Variants in FHOD3 observed in about 807,000 individuals in gnomAD.
FHOD3 encodes FH1/FH2 domain-containing protein 3.
A neutral mutation model predicts 173.0 loss-of-function variants in FHOD3; 90 were observed. That is an observed-to-expected ratio of 0.52 (90% CI 0.44 to 0.62). The LOEUF (loss-of-function observed/expected upper bound fraction) is 0.62, where lower values mean the gene tolerates loss of function less well. Among genes scored for constraint, FHOD3 ranks in the 20% least tolerant of loss-of-function variants. The pLI is 0.00. For missense variants in FHOD3, 1,945 were observed against 2,034.7 expected, an observed-to-expected ratio of 0.96 and a Z score of 0.85; for synonymous variants, 828 against 823.0, an observed-to-expected ratio of 1.01 and a Z score of -0.10.
intron 3 of FHOD3, among the ~76,000 whole-genome samples, chr18:36,378,596 C>CAAAAA (rs764259858): frequency 1.8e-5 from 2 of 111,370 alleles, no homozygotes; most frequent in Non-Finnish European, 3.5e-5. Context: ...CCCTCTGCCA[C>CAAAAA]AAAAAAAAAA....
intron 5 of FHOD3, among the ~76,000 whole-genome samples, chr18:36,555,336 A>G (rs914245412): frequency 6.6e-6 from 1 of 151,908 alleles, no homozygotes; most frequent in Non-Finnish European, 1.5e-5. Context: ...TTTGGGATAC[A>G]CCAGAGTTTT....
At chr18:36,691,592 GCCTCTCT>G (rs58482683) in intron 16 of FHOD3, among the ~76,000 whole-genome samples, 72,192 of 151,906 alleles carry the variant, frequency 0.48, 17,320 homozygotes, top group East Asian at 0.68. Flanking sequence ...TCCTTTTGTT[GCCTCTCT>G]TACCCCTCAA....
intron 3 of FHOD3, among the ~76,000 whole-genome samples, chr18:36,377,007 A>C (rs2047473715): frequency 6.6e-6 from 1 of 152,168 alleles, no homozygotes; most frequent in Admixed American, 6.5e-5. Context: ...ACCCTCTTAC[A>C]CTGGTGGTGA....
At chr18:36,552,040 A>C (rs1403631353) in intron 5 of FHOD3, among the ~76,000 whole-genome samples, 2 of 152,192 alleles carry the variant, frequency 1.3e-5, no homozygotes, top group Non-Finnish European at 2.9e-5. Context: ...GAAGAAAGTC[A>C]TTGGTAGCTT....
At chr18:36,568,982 T>C (rs2058366673) in intron 5 of FHOD3, among the ~76,000 whole-genome samples, 1 of 151,984 alleles carries the variant, frequency 6.6e-6, no homozygotes, top group Non-Finnish European at 1.5e-5. Context: ...AATAGAAAGA[T>C]GGAAAGTCTC....
chr18:36,358,428 T>C (rs1209924829), intron 2 of FHOD3, among the ~76,000 whole-genome samples: 1 of 152,248 alleles, frequency 6.6e-6, no homozygotes, highest in African/African-American at 2.4e-5. Flanking sequence ...GGCATCCTGC[T>C]ATAAACTCCC....
intron 1 of FHOD3, among the ~76,000 whole-genome samples, chr18:36,337,913 CG>C (rs1378404262): frequency 1.3e-5 from 2 of 152,028 alleles, no homozygotes; most frequent in African/African-American, 4.8e-5. Context: ...GGGGAGGCAG[CG>C]GATGCTGACT....
chr18:36,707,040 A>G (rs1456802013), intron 17 of FHOD3, among the ~76,000 whole-genome samples: 2 of 152,172 alleles, frequency 1.3e-5, no homozygotes, highest in East Asian at 3.8e-4. Flanking sequence ...TACCAAAGGG[A>G]ATGTTTCTAA....
intron 5 of FHOD3, among the ~76,000 whole-genome samples, chr18:36,575,631 T>G (rs1049359227): frequency 1.3e-5 from 2 of 152,198 alleles, no homozygotes; most frequent in African/African-American, 4.8e-5. Context: ...TGACAATTAG[T>G]TATGGGTGAA....
At chr18:36,628,873 G>A (rs753059472) in intron 10 of FHOD3, among the ~76,000 whole-genome samples, 1 of 152,178 alleles carries the variant, frequency 6.6e-6, no homozygotes, top group Non-Finnish European at 1.5e-5. Flanking sequence ...TTCTTCCTCT[G>A]TTGACAAAAA....
intron 1 of FHOD3, among the ~76,000 whole-genome samples, chr18:36,303,070 G>A (rs1009793468): frequency 1.8e-4 from 27 of 152,186 alleles, no homozygotes; most frequent in Non-Finnish European, 3.1e-4. Flanking sequence ...TCTTTGGGAA[G>A]GAAGGGGCTG....
chr18:36,431,540 T>G (rs1013630590), intron 3 of FHOD3, among the ~76,000 whole-genome samples: 2 of 152,146 alleles, frequency 1.3e-5, no homozygotes, highest in Non-Finnish European at 2.9e-5. Context: ...AGATTTGACT[T>G]GGGTATGAGC....
At chr18:36,649,599 C>A (rs908703852) in intron 11 of FHOD3, among the ~76,000 whole-genome samples, 194 bp downstream of exon 11, 1 of 152,146 alleles carries the variant, frequency 6.6e-6, no homozygotes, top group Admixed American at 6.5e-5. Flanking sequence ...TAGAGAACTG[C>A]ACTTTTTATT....
intron 4 of FHOD3, among the ~76,000 whole-genome samples, chr18:36,504,609 G>A (rs1250736674): frequency 1.3e-5 from 2 of 151,562 alleles, no homozygotes; most frequent in Admixed American, 1.3e-4. Context: ...GGGGCAGGGG[G>A]GAGGGGATAG....
chr18:36,395,804 T>G (rs1375934560), intron 3 of FHOD3, among the ~76,000 whole-genome samples: 1 of 152,236 alleles, frequency 6.6e-6, no homozygotes, highest in Non-Finnish European at 1.5e-5. Context: ...CATTAGCACA[T>G]ACTGGGTTTG....
chr18:36,374,645 CA>C (rs1423593104), intron 3 of FHOD3, among the ~76,000 whole-genome samples: 6 of 152,212 alleles, frequency 3.9e-5, no homozygotes, highest in Non-Finnish European at 8.8e-5. Context: ...TAAGCATCTT[CA>C]GCTCCGCTGG....
intron 3 of FHOD3, among the ~76,000 whole-genome samples, chr18:36,406,616 TTAGAA>T (rs2049086581): frequency 6.6e-6 from 1 of 152,170 alleles, no homozygotes; most frequent in African/African-American, 2.4e-5. Flanking sequence ...CATATTCACT[TTAGAA>T]TGAATGAATT....
chr18:36,343,018 A>G (rs1173502763), intron 1 of FHOD3, among the ~76,000 whole-genome samples: 1 of 152,258 alleles, frequency 6.6e-6, no homozygotes, highest in African/African-American at 2.4e-5. Context: ...GCAAACAACA[A>G]CTAGTGTTGG....
At chr18:36,749,158 T>A (rs1482395849) in intron 24 of FHOD3, among the ~76,000 whole-genome samples, 1 of 152,182 alleles carries the variant, frequency 6.6e-6, no homozygotes, top group African/African-American at 2.4e-5. Context: ...AAAATTTTGT[T>A]TTGGATGTTC....
Sources: allele counts gnomAD v4.1 joint callset (sites outside exome capture counted in the v4.1 genomes callset), GRCh38; gene constraint gnomAD v4.1.1; transcripts MANE v1.5; gene names NCBI Gene and HGNC (gene_info 2026-07-23, HGNC 2026-07-21).